The following GNB5 variants were observed in gnomAD, a reference collection of about 807,000 sequenced individuals.
The protein encoded by GNB5 is G protein subunit beta 5, also known as guanine nucleotide-binding protein subunit beta-5.
GNB5 carries 37 observed loss-of-function variants against 55.3 expected under a neutral mutation model. The ratio of observed to expected loss-of-function variants is 0.67; its 90% CI spans 0.51 to 0.88. The LOEUF (loss-of-function observed/expected upper bound fraction) is 0.88. Among genes scored for constraint, GNB5 ranks in the 40% least tolerant of loss-of-function variants. The probability of loss-of-function intolerance (pLI) is 0.00; values close to 1 mark genes in which losing one functional copy is unlikely to be tolerated. For synonymous variants in GNB5, 219 were observed against 198.5 expected (o/e 1.10, Z -0.87); for missense variants, 476 against 515.3 (o/e 0.92, Z 0.74).
intron 3 of GNB5, among the ~76,000 whole-genome samples, chr15:52,175,995 G>A (rs1229902439): frequency 2.6e-5 from 4 of 152,148 alleles, no homozygotes; most frequent in African/African-American, 4.8e-5. Context: ...GTTGTAGCGA[G>A]CTGAGATCAT....
chr15:52,129,699 T>A (rs2033525380), intron 9 of GNB5, among the ~76,000 whole-genome samples: 1 of 152,180 alleles, frequency 6.6e-6, no homozygotes, highest in African/African-American at 2.4e-5. Context: ...GGAAGAGACC[T>A]TTTGTGCCCC....
intron 6 of GNB5, among the ~76,000 whole-genome samples, chr15:52,142,559 G>A (rs1019668906): frequency 4.1e-5 from 6 of 145,964 alleles, no homozygotes; most frequent in Non-Finnish European, 7.6e-5. Flanking sequence ...CAAGCCAGCT[G>A]TGTTTTTTTT....
intron 7 of GNB5, chr15:52,139,052 T>C (rs1342380807): frequency 6.6e-6 from 1 of 152,132 alleles, no homozygotes; most frequent in Non-Finnish European, 1.5e-5. Flanking sequence ...TTTATCAACC[T>C]AGATCCCAGG....
rs1566942366 is a variant in GNB5, at chr15:52,154,388, T to C, written c.239-312A>G. ...CACCTCATATTCATAAAGCACTACA[T>C]AAAATTATTCCCTTTAAGGGCCACA... On this transcript the variant is annotated intron_variant, in intron 3 of 12. Transcript: ENST00000261837. 2.0e-5 allele frequency among the ~76,000 whole-genome samples: 3 copies of C among 152,134 alleles called. No homozygotes were observed. In the South Asian group the frequency reaches 6.2e-4, roughly 32 times the overall value.
chr15:52,154,054 C>G lies in GNB5; in HGVS notation c.261G>C (p.Val87=). ...DVELHQVAER[V]EALGQFVMKT... ...TCATGACAAACTGCCCCAGGGCCTC[C>G]ACCCGCTCCGCCACCTGGTGCACTG... is the stretch of plus-strand genomic sequence containing the variant. The change falls in exon 4 of 13, where the codon GTG becomes GTC. Residue 87 remains valine, a synonymous_variant. Coordinates refer to ENST00000261837, the MANE Select transcript of GNB5 (RefSeq NM_016194.4). 1 of 1,614,110 alleles carries G rather than the reference C, an allele frequency of 6.2e-7. No individual in the cohort carries two copies. Among genetic ancestry groups the G allele is most frequent in the Non-Finnish European group, 8.5e-7 (1 of 1,179,958 alleles).
At chr15:52,182,671 T>A (rs1213739989) in intron 2 of GNB5, among the ~76,000 whole-genome samples, 1 of 152,222 alleles carries the variant, frequency 6.6e-6, no homozygotes, top group Non-Finnish European at 1.5e-5. Flanking sequence ...CAATGGGGAC[T>A]GTGTCTACAT....
At chr15:52,160,940 AT>A (rs1342600167) in intron 3 of GNB5, among the ~76,000 whole-genome samples, 1 of 152,226 alleles carries the variant, frequency 6.6e-6, no homozygotes, top group African/African-American at 2.4e-5. Context: ...CCTTAGATAA[AT>A]TTCAATTCGT....
intron 2 of GNB5, among the ~76,000 whole-genome samples, chr15:52,181,890 TATA>T (rs2034777052): frequency 6.6e-6 from 1 of 151,718 alleles, no homozygotes; most frequent in Non-Finnish European, 1.5e-5. Flanking sequence ...ATGTTAAAAA[TATA>T]AACATATAAC....
intron 11 of GNB5, 173 bp downstream of exon 11, chr15:52,125,775 A>G (rs563445203): frequency 3.4e-6 from 2 of 585,566 alleles, no homozygotes; most frequent in African/African-American, 1.9e-5. Flanking sequence ...GGGGCAGGAC[A>G]AAGTGGGAGG....
At chr15:52,159,214 C>T (rs2034279828) in intron 3 of GNB5, among the ~76,000 whole-genome samples, 1 of 152,066 alleles carries the variant, frequency 6.6e-6, no homozygotes, top group Non-Finnish European at 1.5e-5. Flanking sequence ...GCTCATTTAT[C>T]CCACCGTGAC....
At chr15:52,184,898 T>C (rs2034822773) in intron 1 of GNB5, among the ~76,000 whole-genome samples, 1 of 152,210 alleles carries the variant, frequency 6.6e-6, no homozygotes, top group Non-Finnish European at 1.5e-5. Flanking sequence ...CATCAGACAA[T>C]AGGTTTTCTG....
rs2033147295 is a variant in GNB5, at chr15:52,116,722, TG to T, written c.*6034del. The T allele has an allele frequency of 6.6e-6, 1 of 152,128 alleles. No individual in the cohort carries two copies. Among genetic ancestry groups the T allele is most frequent in the South Asian group, 2.1e-4 (1 of 4,826 alleles). The allele number at this position is 152,128 out of a possible 1,614,324, so 9.4% of individuals were successfully genotyped here. ...TACCAAAAATGATCACAAAAGATTC[TG>T]CAAAAATTACAACCTTGCACATAGG... On this transcript the variant is annotated 3_prime_UTR_variant, in exon 13 of 13. Transcript: ENST00000261837.
rs1247505214 is a variant in GNB5, at chr15:52,116,446, A to T, written c.*6311T>A. The T allele has an allele frequency of 1.3e-5, 2 of 152,296 alleles. No individual in the cohort carries two copies. Among genetic ancestry groups the T allele is most frequent in the East Asian group, 3.9e-4 (2 of 5,186 alleles). The allele number at this position is 152,296 out of a possible 1,614,324, so 9.4% of individuals were successfully genotyped here. On this transcript the variant is annotated 3_prime_UTR_variant, in exon 13 of 13. Coordinates refer to ENST00000261837, the MANE Select transcript of GNB5 (RefSeq NM_016194.4). ...CATCTTTTTTTCTGGTCCTATTTTT[A>T]AAAATAATGATCTTTAATTGACACA...
At chr15:52,158,193 T>G (rs10152503) in intron 3 of GNB5, among the ~76,000 whole-genome samples, 3,067 of 152,186 alleles carry the variant, frequency 0.02, 99 homozygotes, top group African/African-American at 0.071. Context: ...GGCTCTGGAT[T>G]TGGGGGCTTG....
intron 6 of GNB5, chr15:52,144,448 T>TA (rs1359132420): frequency 2.0e-5 from 3 of 152,118 alleles, no homozygotes; most frequent in African/African-American, 7.2e-5. Context: ...CCCTAGGATA[T>TA]AAAAAAATGT....
At chr15:52,165,058 C>G (rs529239208) in intron 3 of GNB5, among the ~76,000 whole-genome samples, 1 of 152,096 alleles carries the variant, frequency 6.6e-6, no homozygotes, top group Non-Finnish European at 1.5e-5. Flanking sequence ...AAGAATGTCA[C>G]GATGCAATCA....
intron 7 of GNB5, chr15:52,137,365 C>T (rs753068134): frequency 8.6e-6 from 9 of 1,041,016 alleles, no homozygotes; most frequent in Non-Finnish European, 1.0e-5. Context: ...AGAGTGAGAG[C>T]TGGCCAGGTG....
At chr15:52,124,430 C>T in intron 12 of GNB5, 43 bp downstream of exon 12, 1 of 1,523,996 alleles carries the variant, frequency 6.6e-7, no homozygotes, top group South Asian at 1.2e-5. Context: ...CACCAGTCCT[C>T]TCTCCTCTCA....
At chr15:52,155,672 T>A (rs1439795978) in intron 3 of GNB5, among the ~76,000 whole-genome samples, 3 of 152,226 alleles carry the variant, frequency 2.0e-5, no homozygotes, top group African/African-American at 7.2e-5. Flanking sequence ...CCTCCAGTTA[T>A]GTGGCTGCTT....
Sources: gnomAD v4.1 joint callset for allele counts (sites outside exome capture counted in the v4.1 genomes callset) on GRCh38, gnomAD v4.1.1 for gene constraint, MANE v1.5 for transcripts, NCBI Gene and HGNC (gene_info 2026-07-23, HGNC 2026-07-21) for gene names.